Variants in GNAT3 observed in about 807,000 individuals in gnomAD.
The protein encoded by GNAT3 is guanine nucleotide-binding protein G(t) subunit alpha-3.
A neutral mutation model predicts 37.7 loss-of-function variants in GNAT3; 31 were observed. The ratio of observed to expected loss-of-function variants is 0.82; its 90% confidence interval spans 0.62 to 1.11. The LOEUF is 1.11. GNAT3 is among the 50% of genes most tolerant of loss of function. The pLI, the probability that GNAT3 is intolerant of heterozygous loss-of-function variation, is 0.00. For missense variants in GNAT3, 437 were observed against 412.5 expected, an observed-to-expected ratio of 1.06 and a Z score of -0.51; for synonymous variants, 138 against 139.8, an observed-to-expected ratio of 0.99 and a Z score of 0.09.
At chr7:80,480,923 T>C (rs1323992575) in intron 3 of GNAT3, among the ~76,000 whole-genome samples, 1 of 152,112 alleles carries the variant, frequency 6.6e-6, no homozygotes, top group Non-Finnish European at 1.5e-5. Context: ...TGGGTCTCAT[T>C]CTCATTTTCC....
At chr7:80,469,827 C>T (rs539201927) in intron 5 of GNAT3, among the ~76,000 whole-genome samples, 178 of 152,222 alleles carry the variant, frequency 1.2e-3, no homozygotes, top group African/African-American at 4.0e-3. Flanking sequence ...AAACCCTGTG[C>T]ACTTTTGGAC....
chr7:80,471,245 G>T (rs1167111946), intron 5 of GNAT3, among the ~76,000 whole-genome samples: 1 of 149,824 alleles, frequency 6.7e-6, no homozygotes, highest in East Asian at 2.1e-4. Flanking sequence ...TGATTAGATT[G>T]TGCCCACCCA....
intron 5 of GNAT3, among the ~76,000 whole-genome samples, chr7:80,473,615 T>C (rs751648492): frequency 6.6e-5 from 10 of 152,162 alleles, no homozygotes; most frequent in Non-Finnish European, 1.2e-4. Flanking sequence ...CAAAAAGGTA[T>C]TTAAATATTA....
At chr7:80,484,739 G>A (rs186569045) in intron 3 of GNAT3, among the ~76,000 whole-genome samples, 4 of 152,050 alleles carry the variant, frequency 2.6e-5, no homozygotes, top group African/African-American at 4.8e-5. Context: ...CTCTTTTCAA[G>A]TTCTATGCTT....
chr7:80,502,369 T>A (rs968580167), intron 1 of GNAT3, among the ~76,000 whole-genome samples: 13 of 152,122 alleles, frequency 8.5e-5, no homozygotes, highest in African/African-American at 3.1e-4. Flanking sequence ...TTTCTTTTCT[T>A]ATTAACATAC....
intron 4 of GNAT3, among the ~76,000 whole-genome samples, chr7:80,476,379 A>G (rs192370733): frequency 1.3e-5 from 2 of 149,046 alleles, no homozygotes; most frequent in Admixed American, 1.4e-4. Flanking sequence ...TTAAACTAGT[A>G]TTTTTCCTGG....
intron 1 of GNAT3, among the ~76,000 whole-genome samples, chr7:80,504,977 A>G (rs1049563106): frequency 7.9e-5 from 12 of 152,232 alleles, no homozygotes; most frequent in African/African-American, 2.9e-4. Flanking sequence ...TGTGTCAGCC[A>G]GGAGACTGAA....
chr7:80,509,097 G>C lies in GNAT3; in HGVS notation c.118+2712C>G, dbSNP rs190333793. ...TGGGAAAAATTAAATAGATTTCATT[G>C]GTGAGGAGATTTGAGGGTAGGAGAG... is the stretch of plus-strand genomic sequence containing the variant. On this transcript the variant is annotated intron_variant, in intron 1 of 7. Coordinates refer to ENST00000398291, the MANE Select transcript of GNAT3 (RefSeq NM_001102386.3). 4.9e-4 allele frequency among the ~76,000 whole-genome samples: 74 copies of C among 152,098 alleles called. 1 individual carries two copies. The highest frequency in any genetic ancestry group is 9.7e-4 in the Non-Finnish European group (66 of 67,904).
chr7:80,486,988 T>C lies in GNAT3; in HGVS notation c.303+1547A>G, dbSNP rs111549880. On this transcript the variant is annotated intron_variant, in intron 3 of 7. Coordinates refer to ENST00000398291, the MANE Select transcript of GNAT3 (RefSeq NM_001102386.3). ...GAGGGTACGTCTATTTTTGTAACTA[T>C]TATTGCCTAAGAGGAAAAAATAAAT... Among the ~76,000 whole-genome samples, 705 of 152,250 alleles carry C rather than the reference T, an allele frequency of 4.6e-3. 4 individuals are homozygous for C. Among genetic ancestry groups the C allele is most frequent in the African/African-American group, 0.016 (674 of 41,546 alleles).
chr7:80,505,452 C>G (rs572843026), intron 1 of GNAT3, among the ~76,000 whole-genome samples: 2 of 152,114 alleles, frequency 1.3e-5, no homozygotes, highest in African/African-American at 4.8e-5. Context: ...CTGCAAGCTC[C>G]GCCTCCCGGG....
At chr7:80,498,652 A>G (rs1374665111) in intron 1 of GNAT3, among the ~76,000 whole-genome samples, 1 of 152,132 alleles carries the variant, frequency 6.6e-6, no homozygotes, top group Admixed American at 6.5e-5. Flanking sequence ...CATGTTACAG[A>G]GCCAAATATA....
intron 1 of GNAT3, among the ~76,000 whole-genome samples, chr7:80,495,136 T>C (rs1790691869): frequency 1.3e-5 from 2 of 152,184 alleles, no homozygotes; most frequent in African/African-American, 2.4e-5. Context: ...CAATTTTCCA[T>C]TGATGGACAC....
At chr7:80,508,758 C>A (rs6970109) in intron 1 of GNAT3, among the ~76,000 whole-genome samples, 28,622 of 151,804 alleles carry the variant, frequency 0.19, 4,257 homozygotes, top group African/African-American at 0.42. Flanking sequence ...GCACTTTGAC[C>A]GCTCTTCAGA....
intron 3 of GNAT3, among the ~76,000 whole-genome samples, chr7:80,487,298 C>A (rs1790505594): frequency 6.6e-6 from 1 of 152,072 alleles, no homozygotes; most frequent in African/African-American, 2.4e-5. Context: ...GAGTTCGACT[C>A]CTCCAAGTTC....
chr7:80,464,526 C>A (rs1024078844), intron 5 of GNAT3, among the ~76,000 whole-genome samples: 4 of 151,984 alleles, frequency 2.6e-5, no homozygotes, highest in African/African-American at 9.7e-5. Context: ...AGGGAATTGA[C>A]ATTTTTTGTT....
intron 1 of GNAT3, among the ~76,000 whole-genome samples, chr7:80,504,066 A>G (rs1314296069): frequency 6.6e-6 from 1 of 152,230 alleles, no homozygotes; most frequent in Non-Finnish European, 1.5e-5. Flanking sequence ...CTGTAATTCC[A>G]GCACTTTGGG....
intron 5 of GNAT3, 23 bp from the exon 6 acceptor site, chr7:80,462,654 T>G: frequency 6.3e-7 from 1 of 1,597,872 alleles, no homozygotes; most frequent in South Asian, 1.1e-5. Context: ...ATCAAATGAA[T>G]AATAAATCTT....
chr7:80,492,386 A>T (rs562466622), intron 2 of GNAT3, among the ~76,000 whole-genome samples: 1 of 151,806 alleles, frequency 6.6e-6, no homozygotes, highest in Non-Finnish European at 1.5e-5. Context: ...AATAAAAAAT[A>T]AAATGTTAAT....
At chr7:80,491,721 C>T (rs373361556) in intron 2 of GNAT3, among the ~76,000 whole-genome samples, 4 of 152,140 alleles carry the variant, frequency 2.6e-5, no homozygotes, top group African/African-American at 7.2e-5. Flanking sequence ...AAATAATCTT[C>T]GTAAGGGCAA....
Sources: gnomAD v4.1 joint callset for allele counts (sites outside exome capture counted in the v4.1 genomes callset) on GRCh38, gnomAD v4.1.1 for gene constraint, MANE v1.5 for transcripts, NCBI Gene and HGNC (gene_info 2026-07-23, HGNC 2026-07-21) for gene names.